The following CSGALNACT1 variants were observed in gnomAD, a reference collection of about 807,000 sequenced individuals.
CSGALNACT1 encodes chondroitin sulfate N-acetylgalactosaminyltransferase 1.
Under a neutral mutation model 51.0 loss-of-function variants are expected in CSGALNACT1, and 52 were observed. The observed-to-expected ratio is 1.02, with a 90% CI of 0.82 to 1.29. CSGALNACT1 has a LOEUF of 1.29. CSGALNACT1 is among the 50% of genes most tolerant of loss of function. CSGALNACT1 has a pLI of 0.00. For missense variants in CSGALNACT1, 935 were observed against 679.2 expected, an observed-to-expected ratio of 1.38 and a Z score of -4.19; for synonymous variants, 341 against 254.4, an observed-to-expected ratio of 1.34 and a Z score of -3.24.
rs977167371 is a variant in CSGALNACT1 at position 19,757,166 on chromosome 8, C to T, written c.-297+684G>A. ...CGCGGCACACCGCGCCCGGCTGGCC[C>T]GGGAGGGGACCCGACTCACCCGAAG... On this transcript the variant is annotated intron_variant, in intron 1 of 1. Transcript: ENST00000517494. This position sits in a 1 kb window ranked among gnomAD's most constrained non-coding sequence, Gnocchi z 4.0. 4 of 149,608 alleles carry T rather than the reference C, an allele frequency of 2.7e-5. No individual in the cohort carries two copies. The highest frequency in any genetic ancestry group is 6.0e-5 in the Non-Finnish European group (4 of 66,954). The allele number at this position is 149,608 out of a possible 1,614,324, so 9.3% of individuals were successfully genotyped here. A position where few individuals can be genotyped will look rare whatever the true frequency, so the allele number is the denominator to read the frequency against.
upstream of CSGALNACT1, among the ~76,000 whole-genome samples, chr8:19,605,339 G>C (rs917829513): frequency 6.6e-6 from 1 of 152,178 alleles, no homozygotes; most frequent in African/African-American, 2.4e-5. Context: ...AGGAGACTGA[G>C]GCATGAGAAT....
At chr8:19,513,432 CTCTCTATATA>C (rs2078855832) in intron 3 of CSGALNACT1, among the ~76,000 whole-genome samples, 5 of 71,878 alleles carry the variant, frequency 7.0e-5, no homozygotes, top group African/African-American at 9.1e-5. Context: ...CTCTCTCTCT[CTCTCTATATA>C]TATATATATA....
intron 1 of CSGALNACT1, among the ~76,000 whole-genome samples, chr8:19,618,054 T>C (rs1420527364): frequency 6.6e-6 from 1 of 151,888 alleles, no homozygotes; most frequent in African/African-American, 2.4e-5. Flanking sequence ...GATTTTTTTT[T>C]TTCCTGTAGA....
chr8:19,677,807 G>A (rs1182509601), intron 1 of CSGALNACT1, among the ~76,000 whole-genome samples: 1 of 152,186 alleles, frequency 6.6e-6, no homozygotes, highest in Non-Finnish European at 1.5e-5. Context: ...AGGTAAAGCA[G>A]AAATTCAGCA....
rs62494487 is a variant in CSGALNACT1, at chr8:19,659,706, T to C, written c.-544+22767A>G. 2.6e-3 allele frequency among the ~76,000 whole-genome samples: 398 copies of C among 152,332 alleles called. 1 individual carries two copies. The highest frequency in any genetic ancestry group is 5.5e-3 in the Admixed American group (84 of 15,302). The stretch of plus-strand genomic sequence containing the variant: ...ATCCCATGAATCTCTGCCTACATTA[T>C]TGGCTAAAGGCTGGCAGGTCATCCA... On this transcript the variant is annotated intron_variant, in intron 1 of 9. Coordinates refer to the CSGALNACT1 transcript ENST00000332246.
chr8:19,598,171 A>C (rs1230098100), intron 2 of CSGALNACT1, among the ~76,000 whole-genome samples: 2 of 152,220 alleles, frequency 1.3e-5, no homozygotes, highest in African/African-American at 2.4e-5. Flanking sequence ...CCAATAGCAG[A>C]GCTCAAAACA....
chr8:19,656,614 G>C (rs923969540), intron 1 of CSGALNACT1, among the ~76,000 whole-genome samples: 1 of 123,488 alleles, frequency 8.1e-6, no homozygotes, highest in Non-Finnish European at 1.7e-5. Context: ...ACACACACAC[G>C]AGATCAGCAA....
intron 5 of CSGALNACT1, among the ~76,000 whole-genome samples, chr8:19,456,219 C>A (rs2064056385): frequency 6.6e-6 from 1 of 152,130 alleles, no homozygotes; most frequent in Admixed American, 6.5e-5. Flanking sequence ...AATAGCTGTT[C>A]ATATATACCC....
intron 1 of CSGALNACT1, among the ~76,000 whole-genome samples, chr8:19,664,560 C>T (rs930668129): frequency 1.3e-5 from 2 of 152,098 alleles, no homozygotes; most frequent in African/African-American, 4.8e-5. Flanking sequence ...CCGTTCACAA[C>T]AGCAAAGATA....
chr8:19,625,155 G>C (rs1282906145), intron 1 of CSGALNACT1, among the ~76,000 whole-genome samples: 1 of 152,188 alleles, frequency 6.6e-6, no homozygotes, highest in Non-Finnish European at 1.5e-5. Flanking sequence ...GATGGAGAGG[G>C]ACTGTAAAGT....
At chr8:19,458,693 C>A in intron 4 of CSGALNACT1, 51 bp from the exon 4 acceptor site, 1 of 1,530,508 alleles carries the variant, frequency 6.5e-7, no homozygotes. Flanking sequence ...ACCTTGGCTG[C>A]TGAGTGTTTT....
chr8:19,481,198 C>T (rs1387128836), intron 4 of CSGALNACT1, among the ~76,000 whole-genome samples: 2 of 151,734 alleles, frequency 1.3e-5, no homozygotes, highest in Middle Eastern at 3.2e-3. Context: ...CTTTATTTTG[C>T]CACCGTGCCA....
At chr8:19,486,230 C>A (rs2072900922) in intron 4 of CSGALNACT1, among the ~76,000 whole-genome samples, 1 of 151,966 alleles carries the variant, frequency 6.6e-6, no homozygotes, top group South Asian at 2.1e-4. Flanking sequence ...TGGTGACAAG[C>A]CTCAATCACT....
intron 3 of CSGALNACT1, among the ~76,000 whole-genome samples, chr8:19,531,551 C>G (rs1448539845): frequency 2.0e-5 from 3 of 152,202 alleles, no homozygotes; most frequent in Non-Finnish European, 4.4e-5. Flanking sequence ...CACCGCTTAC[C>G]AACTAAGTAA....
At chr8:19,648,827 G>A (rs2057512922) in intron 1 of CSGALNACT1, among the ~76,000 whole-genome samples, 1 of 152,012 alleles carries the variant, frequency 6.6e-6, no homozygotes, top group Non-Finnish European at 1.5e-5. Context: ...CAAAAAGAAT[G>A]TGAACACCTT....
chr8:19,695,445 C>T (rs1011486109), intron 1 of CSGALNACT1, among the ~76,000 whole-genome samples: 2 of 152,180 alleles, frequency 1.3e-5, no homozygotes, highest in African/African-American at 2.4e-5. Flanking sequence ...AATCTCTCTC[C>T]TGGCCTCAAC....
chr8:19,568,746 C>T (rs1282294582), intron 3 of CSGALNACT1, among the ~76,000 whole-genome samples: 2 of 152,146 alleles, frequency 1.3e-5, no homozygotes, highest in Non-Finnish European at 2.9e-5. Context: ...GCCAATACAA[C>T]CTCGCATTGC....
intron 1 of CSGALNACT1, among the ~76,000 whole-genome samples, chr8:19,658,995 T>C (rs1382076456): frequency 6.6e-6 from 1 of 152,116 alleles, no homozygotes; most frequent in Non-Finnish European, 1.5e-5. Flanking sequence ...GCTTCATAAA[T>C]GTTTTTTTTC....
intron 3 of CSGALNACT1, among the ~76,000 whole-genome samples, chr8:19,526,769 C>T (rs2081796173): frequency 6.6e-6 from 1 of 152,104 alleles, no homozygotes; most frequent in African/African-American, 2.4e-5. Context: ...TTCAAACAAA[C>T]GACTACTTCT....
Sources: gnomAD v4.1 joint callset for allele counts (sites outside exome capture counted in the v4.1 genomes callset) on GRCh38, gnomAD v4.1.1 for gene constraint, Gnocchi (gnomAD v3.1) non-coding constraint, MANE v1.5 for transcripts, NCBI Gene and HGNC (gene_info 2026-07-23, HGNC 2026-07-21) for gene names.